The following LRMDA variants were observed in gnomAD, a reference collection of about 807,000 sequenced individuals.
LRMDA encodes leucine-rich melanocyte differentiation-associated protein.
In LRMDA, 18 loss-of-function variants were observed where a neutral mutation model predicts 29.8. That is an observed-to-expected ratio of 0.60 (90% CI 0.42 to 0.90). LRMDA has a LOEUF of 0.90. Among genes scored for constraint, LRMDA ranks in the 40% least tolerant of loss-of-function variants. LRMDA has a pLI of 0.00. For missense variants in LRMDA, 273 were observed against 273.9 expected, an observed-to-expected ratio of 1.00 and a Z score of 0.02; for synonymous variants, 125 against 109.4, an observed-to-expected ratio of 1.14 and a Z score of -0.89.
At chr10:75,785,751 A>G (rs938426007) in intron 2 of LRMDA, among the ~76,000 whole-genome samples, 4 of 152,258 alleles carry the variant, frequency 2.6e-5, no homozygotes, top group Admixed American at 1.3e-4. Context: ...TATCAAAACG[A>G]TAGATATTTA....
At chr10:75,660,108 C>T (rs781040217) in intron 2 of LRMDA, among the ~76,000 whole-genome samples, 9 of 152,296 alleles carry the variant, frequency 5.9e-5, no homozygotes, top group Non-Finnish European at 2.9e-5. Flanking sequence ...GGCACACACA[C>T]ACTATCTTGA....
At chr10:75,673,598 A>G (rs555028021) in intron 2 of LRMDA, among the ~76,000 whole-genome samples, 1 of 152,248 alleles carries the variant, frequency 6.6e-6, no homozygotes, top group Admixed American at 6.5e-5. Context: ...GTATTCTCTG[A>G]GGACATTTTG....
Position 76,038,771 on chromosome 10 carries a change from G to T in LRMDA, c.258+2637G>T, listed in dbSNP as rs116600418. Among the ~76,000 whole-genome samples, 1,318 of 152,326 alleles carry T rather than the reference G, an allele frequency of 8.7e-3. 24 individuals are homozygous for T. Among genetic ancestry groups the T allele is most frequent in the African/African-American group, 0.03 (1,236 of 41,566 alleles). ...TATTGCCACCCCATGAAATGCTTTA[G>T]ATATGGCCTCTATACATTAGCTTTT... On this transcript the variant is annotated intron_variant, in intron 3 of 6. Transcript: ENST00000611255.
chr10:75,669,427 C>G (rs746523427), intron 2 of LRMDA, among the ~76,000 whole-genome samples: 1 of 152,192 alleles, frequency 6.6e-6, no homozygotes, highest in Non-Finnish European at 1.5e-5. Flanking sequence ...GCTGAAAAAA[C>G]CATACATGGC....
intron 6 of LRMDA, among the ~76,000 whole-genome samples, chr10:76,362,125 G>A (rs995688096): frequency 6.6e-6 from 1 of 152,166 alleles, no homozygotes; most frequent in African/African-American, 2.4e-5. Flanking sequence ...ACACGACACT[G>A]CCATAGCCTC....
intron 2 of LRMDA, among the ~76,000 whole-genome samples, chr10:75,595,181 C>T (rs1840770941): frequency 6.6e-6 from 1 of 152,120 alleles, no homozygotes; most frequent in Admixed American, 6.5e-5. Flanking sequence ...ATTTTATTTA[C>T]TAATGGCCCA....
chr10:76,020,840 G>C (rs376430225), intron 2 of LRMDA, among the ~76,000 whole-genome samples: 1 of 152,258 alleles, frequency 6.6e-6, no homozygotes, highest in South Asian at 2.1e-4. Context: ...TTCTGCGCCT[G>C]AGGAATGTCA....
chr10:76,559,304 T>C lies in LRMDA; in HGVS notation c.*2016T>C, dbSNP rs1843597084. 1 of 152,230 alleles carries C rather than the reference T, an allele frequency of 6.6e-6. No homozygotes were observed. Among genetic ancestry groups the C allele is most frequent in the South Asian group, 2.1e-4 (1 of 4,826 alleles). 9.4% of individuals were successfully genotyped at this position (152,230 alleles called of 1,614,324 possible). A position where few individuals can be genotyped will look rare whatever the true frequency, so the allele number is the denominator to read the frequency against. Reference sequence around the variant, plus strand: ...CATTTGTATCATGCGCAGGAATGTCTCCCTCAATGTGAGCTTTGGAGGCAA... The same window carrying C: ...CATTTGTATCATGCGCAGGAATGTCCCCCTCAATGTGAGCTTTGGAGGCAA... On this transcript the variant is annotated 3_prime_UTR_variant, in exon 7 of 7. Transcript: ENST00000611255.
intron 6 of LRMDA, among the ~76,000 whole-genome samples, chr10:76,434,512 A>G (rs1226845874): frequency 1.3e-5 from 2 of 152,180 alleles, no homozygotes; most frequent in Admixed American, 6.5e-5. Flanking sequence ...CAAACTGGAT[A>G]TCACCACTTA....
intron 2 of LRMDA, among the ~76,000 whole-genome samples, chr10:75,756,243 C>A (rs750671632): frequency 6.6e-6 from 1 of 152,184 alleles, no homozygotes; most frequent in Non-Finnish European, 1.5e-5. Flanking sequence ...GGTGTAGCCA[C>A]GCAGCTAAGT....
chr10:75,932,328 AG>A (rs1476319724), intron 2 of LRMDA, among the ~76,000 whole-genome samples: 2 of 152,174 alleles, frequency 1.3e-5, no homozygotes, highest in Non-Finnish European at 2.9e-5. Flanking sequence ...GGTATAATAG[AG>A]GGGATGGCTG....
chr10:75,809,514 G>A (rs1843919070), intron 2 of LRMDA, among the ~76,000 whole-genome samples: 1 of 152,108 alleles, frequency 6.6e-6, no homozygotes, highest in South Asian at 2.1e-4. Context: ...GTGGTGGTGT[G>A]CACCTGTAAT....
intron 2 of LRMDA, among the ~76,000 whole-genome samples, chr10:75,637,220 G>A (rs1841400118): frequency 6.6e-6 from 1 of 152,196 alleles, no homozygotes. Context: ...TCACCTTTGT[G>A]TGTGACTGTG....
intron 2 of LRMDA, among the ~76,000 whole-genome samples, chr10:75,600,653 G>A (rs1840872025): frequency 6.6e-6 from 1 of 152,128 alleles, no homozygotes; most frequent in African/African-American, 2.4e-5. Flanking sequence ...GGGGTAGTGT[G>A]GGGTATACTG....
At chr10:75,824,854 A>G (rs1401619799) in intron 2 of LRMDA, among the ~76,000 whole-genome samples, 1 of 152,202 alleles carries the variant, frequency 6.6e-6, no homozygotes. Flanking sequence ...TCCAGTGGAG[A>G]CACAGAGTAA....
At chr10:75,835,025 AG>A (rs1314760959) in intron 2 of LRMDA, among the ~76,000 whole-genome samples, 2 of 152,258 alleles carry the variant, frequency 1.3e-5, no homozygotes, top group Non-Finnish European at 2.9e-5. Flanking sequence ...TATTTGTTAC[AG>A]CAGCACTCTA....
intron 2 of LRMDA, among the ~76,000 whole-genome samples, chr10:75,623,830 A>G (rs1841217045): frequency 6.6e-6 from 1 of 152,258 alleles, no homozygotes; most frequent in Admixed American, 6.5e-5. Flanking sequence ...GCAGCAAGCT[A>G]GAAAGCAACC....
intron 2 of LRMDA, among the ~76,000 whole-genome samples, chr10:75,799,680 TTGTG>T (rs57575125): frequency 0.036 from 4,940 of 136,098 alleles, 122 homozygotes; most frequent in South Asian, 0.076. Flanking sequence ...ATTCCTAGCT[TTGTG>T]TGTGTGTGTG....
intron 2 of LRMDA, among the ~76,000 whole-genome samples, chr10:75,961,593 A>T (rs574477806): frequency 6.6e-6 from 1 of 152,298 alleles, no homozygotes; most frequent in African/African-American, 2.4e-5. Flanking sequence ...AAGACATCAG[A>T]GCTCCTACTT....
Sources: gnomAD v4.1 joint callset for allele counts (sites outside exome capture counted in the v4.1 genomes callset) on GRCh38, gnomAD v4.1.1 for gene constraint, MANE v1.5 for transcripts, NCBI Gene and HGNC (gene_info 2026-07-23, HGNC 2026-07-21) for gene names.